Variants in SMG6 observed in about 807,000 individuals in gnomAD.
The protein encoded by SMG6 is telomerase-binding protein EST1A.
Under a neutral mutation model 142.2 loss-of-function variants are expected in SMG6, and 66 were observed. The ratio of observed to expected loss-of-function variants is 0.46; its 90% confidence interval spans 0.38 to 0.57. The LOEUF is 0.57. Among genes scored for constraint, SMG6 ranks in the 20% least tolerant of loss-of-function variants. SMG6 has a pLI of 0.00. For synonymous variants in SMG6, 779 were observed against 702.4 expected (o/e 1.11, Z -1.72); for missense variants, 1,793 against 1,832.0 (o/e 0.98, Z 0.39).
chr17:2,258,544 A>T (rs2074243346), intron 8 of SMG6, among the ~76,000 whole-genome samples: 1 of 148,334 alleles, frequency 6.7e-6, no homozygotes, highest in Admixed American at 6.8e-5. Flanking sequence ...GCGACAGAGT[A>T]AGACTCTGTC....
At chr17:2,258,954 T>C (rs142234178) in intron 8 of SMG6, among the ~76,000 whole-genome samples, 355 of 152,014 alleles carry the variant, frequency 2.3e-3, no homozygotes, top group Admixed American at 5.0e-3. Flanking sequence ...GGCATGTACC[T>C]GTAATCCCAG....
chr17:2,244,463 G>C (rs2073884817), intron 9 of SMG6, among the ~76,000 whole-genome samples, 195 bp downstream of exon 9: 1 of 152,184 alleles, frequency 6.6e-6, no homozygotes, highest in African/African-American at 2.4e-5. Flanking sequence ...AGAAACAAGA[G>C]AGATAGAGAG....
intron 13 of SMG6, among the ~76,000 whole-genome samples, chr17:2,094,468 A>G (rs904640784): frequency 6.6e-6 from 1 of 151,762 alleles, no homozygotes; most frequent in African/African-American, 2.4e-5. Context: ...CTAATTCCTT[A>G]CCTCAAGTGA....
intron 13 of SMG6, among the ~76,000 whole-genome samples, chr17:2,149,606 A>C (rs1387167258): frequency 1.3e-5 from 2 of 152,158 alleles, no homozygotes; most frequent in African/African-American, 4.8e-5. Context: ...AGCAAAAAGC[A>C]ATCTAGGCAG....
At chr17:2,214,407 A>G (rs548562954) in intron 10 of SMG6, 2 of 151,122 alleles carry the variant, frequency 1.3e-5, no homozygotes, top group South Asian at 4.2e-4. Flanking sequence ...AAACAACAAC[A>G]GAGCAGGCAA....
In SMG6 at chr17:2,085,087, C is replaced by T. The variant is rs1459956881; in HGVS notation, c.3534+638G>A. Among the ~76,000 whole-genome samples the T allele has an allele frequency of 1.3e-5, 2 of 152,158 alleles. No homozygotes were observed. Among genetic ancestry groups the T allele is most frequent in the Non-Finnish European group, 2.9e-5 (2 of 68,036 alleles). On this transcript the variant is annotated intron_variant, in intron 14 of 18. Coordinates refer to ENST00000263073, the MANE Select transcript of SMG6 (RefSeq NM_017575.5). This position sits in a 1 kb window ranked among gnomAD's most constrained non-coding sequence, Gnocchi z 4.1. Reference sequence around the variant, plus strand: ...CAGGGCAACTGCCAGTGGACTATTGCAGGGGCGGGTACACAGGCTCATGCA... The same window carrying T: ...CAGGGCAACTGCCAGTGGACTATTGTAGGGGCGGGTACACAGGCTCATGCA...
Position 2,173,662 on chromosome 17 carries a change from G to A in SMG6, c.3156-803C>T, listed in dbSNP as rs1597520930. On this transcript the variant is annotated intron_variant, in intron 12 of 18. Coordinates refer to ENST00000263073, the MANE Select transcript of SMG6 (RefSeq NM_017575.5). ...ACTGGGATGGCTGGCTGTCCTAATT[G>A]CGTATCACCAGGTCCTGGCTGAACC... Among the ~76,000 whole-genome samples, 3 of 152,118 alleles carry A rather than the reference G, an allele frequency of 2.0e-5. No individual in the cohort carries two copies. The South Asian group carries it at 6.2e-4, about 31-fold the overall frequency.
intron 10 of SMG6, among the ~76,000 whole-genome samples, chr17:2,209,865 C>T (rs2072796227): frequency 6.6e-6 from 1 of 152,172 alleles, no homozygotes; most frequent in East Asian, 1.9e-4. Context: ...CTACCATTTA[C>T]TGAACCCTTA....
intron 6 of SMG6, among the ~76,000 whole-genome samples, chr17:2,290,006 T>C (rs2074997298): frequency 6.6e-6 from 1 of 150,748 alleles, no homozygotes; most frequent in African/African-American, 2.4e-5. Flanking sequence ...AATAGATATT[T>C]CTCCCAATAG....
At chr17:2,084,841 G>A (rs1385135633) in intron 14 of SMG6, among the ~76,000 whole-genome samples, 5 of 152,336 alleles carry the variant, frequency 3.3e-5, no homozygotes, top group Admixed American at 1.3e-4. Flanking sequence ...CACACATCCA[G>A]ACAGAAATAC....
chr17:2,121,583 CTGTCTG>C (rs1453000228), intron 13 of SMG6, among the ~76,000 whole-genome samples: 34 of 118,294 alleles, frequency 2.9e-4, no homozygotes, highest in South Asian at 1.7e-3. Flanking sequence ...ATGTACATGT[CTGTCTG>C]TGTGTGTGTG....
chr17:2,110,081 C>CAAAAAAAAA (rs57135671), intron 13 of SMG6, among the ~76,000 whole-genome samples: 6 of 87,908 alleles, frequency 6.8e-5, no homozygotes, highest in Non-Finnish European at 1.2e-4. Context: ...GATTCCATCT[C>CAAAAAAAAA]AAAAAAAAAA....
At chr17:2,121,637 GTGTGTGTGT>G (rs1169653333) in intron 13 of SMG6, among the ~76,000 whole-genome samples, 16 of 95,900 alleles carry the variant, frequency 1.7e-4, no homozygotes, top group East Asian at 9.1e-4. Context: ...GTGTGTGTGT[GTGTGTGTGT>G]AGAGAGAGAG....
intron 18 of SMG6, among the ~76,000 whole-genome samples, chr17:2,064,379 C>T (rs182874198): frequency 2.0e-5 from 3 of 152,152 alleles, no homozygotes; most frequent in African/African-American, 7.2e-5. Flanking sequence ...GTGAGGTGGT[C>T]AAGCGCTTGG....
intron 13 of SMG6, among the ~76,000 whole-genome samples, chr17:2,112,920 A>C (rs907474072): frequency 6.6e-6 from 1 of 151,278 alleles, no homozygotes; most frequent in Non-Finnish European, 1.5e-5. Context: ...ACCATGCCTG[A>C]CTAATTTTTG....
rs1433142012 is a variant in SMG6, at chr17:2,299,216, T to C, written c.1537A>G (p.Thr513Ala). ...NSDNPYYYPR[T>A]PGPASQYPYT... ...GGATACTGGGAGGCAGGGCCTGGTG[T>C]CCGGGGGTAATAATAGGGGTTGTCA... is the stretch of plus-strand genomic sequence containing the variant. The change falls in exon 2 of 19, where the codon ACA becomes GCA. Residue 513 changes from threonine to alanine, a missense_variant. By Grantham distance (58) the Thr-to-Ala change is moderately conservative. Around this residue, in one of 3 missense-constraint regions of SMG6, gnomAD observed 1,597 missense variants for 1,584.6 expected, o/e 1.01. Transcript: ENST00000263073. The surrounding 1 kb of genome is among the most constrained non-coding windows in gnomAD (Gnocchi z 4.3). 1.2e-6 allele frequency: 2 copies of C among 1,613,818 alleles called. No individual in the cohort carries two copies. Among genetic ancestry groups the C allele is most frequent in the Non-Finnish European group, 1.7e-6 (2 of 1,179,872 alleles).
intron 13 of SMG6, among the ~76,000 whole-genome samples, chr17:2,142,587 A>G (rs914693236): frequency 1.3e-5 from 2 of 152,060 alleles, no homozygotes; most frequent in Admixed American, 1.3e-4. Context: ...CCCAATTTTA[A>G]AAGTAGGCAA....
chr17:2,218,134 C>G (rs78745137), intron 10 of SMG6, among the ~76,000 whole-genome samples: 1 of 152,148 alleles, frequency 6.6e-6, no homozygotes, highest in African/African-American at 2.4e-5. Context: ...AGACAGCCTA[C>G]TCTCTTGCTG....
intron 10 of SMG6, among the ~76,000 whole-genome samples, chr17:2,230,029 T>C (rs2073425914): frequency 6.7e-6 from 1 of 149,644 alleles, no homozygotes; most frequent in Non-Finnish European, 1.5e-5. Flanking sequence ...CTACTAAAAA[T>C]ATAAAAATTA....
Sources: allele counts gnomAD v4.1 joint callset (sites outside exome capture counted in the v4.1 genomes callset), GRCh38; gene constraint gnomAD v4.1.1; regional missense constraint gnomAD v4.1.1; non-coding constraint Gnocchi (gnomAD v3.1); transcripts MANE v1.5; gene names NCBI Gene and HGNC (gene_info 2026-07-23, HGNC 2026-07-21).